ACADVL: variants seen among roughly 807,000 people sequenced by gnomAD.
ACADVL encodes acyl-CoA dehydrogenase very long chain, also known as very long-chain acyl-CoA dehydrogenase, mitochondrial.
ACADVL carries 73 observed loss-of-function variants against 80.4 expected under a neutral mutation model. The observed-to-expected ratio is 0.91, with a 90% CI of 0.75 to 1.10. The LOEUF (loss-of-function observed/expected upper bound fraction) is 1.10, where lower values mean the gene tolerates loss of function less well. Ranked by LOEUF, ACADVL falls within the 50% of genes least tolerant of loss-of-function variation. ACADVL has a pLI of 0.00. For missense variants in ACADVL, 878 were observed against 858.9 expected, an observed-to-expected ratio of 1.02 and a Z score of -0.28; for synonymous variants, 392 against 326.5, an observed-to-expected ratio of 1.20 and a Z score of -2.16.
intron 16 of ACADVL, 31 bp from the exon 17 acceptor site, chr17:7,224,447 CCT>C (rs1327896933): frequency 6.2e-7 from 1 of 1,613,850 alleles, no homozygotes; most frequent in East Asian, 2.2e-5. Context: ...GCCGATGGCC[CCT>C]CTGAGCCCCG....
rs1271862153 is a variant in ACADVL, at chr17:7,222,763, G to A, written c.975G>A (p.Glu325=). 3.1e-6 allele frequency: 5 copies of A among 1,614,122 alleles called. No homozygotes were observed. The highest frequency in any genetic ancestry group is 4.2e-6 in the Non-Finnish European group (5 of 1,180,026). ...TGCCATCGGAGAACGTGCTGGGTGA[G>A]GTTGGGAGTGGCTTCAAGGTTGCCA... ...VRVPSENVLG[E]VGSGFKVAMH... The change falls in exon 10 of 20, where the codon GAG becomes GAA. Residue 325 remains glutamate, a synonymous_variant. Coordinates refer to ENST00000356839, the MANE Select transcript of ACADVL (RefSeq NM_000018.4).
intron 7 of ACADVL, 23 bp from the exon 8 acceptor site, chr17:7,221,929 T>C: frequency 1.2e-6 from 2 of 1,613,634 alleles, no homozygotes; most frequent in Non-Finnish European, 1.7e-6. Context: ...GAACTTGGGG[T>C]AAAGTAGCTC....
In ACADVL at chr17:7,224,776, CCA is replaced by C. The variant is rs758750087; in HGVS notation, c.1752-32_1752-31del. On this transcript the variant is annotated intron_variant, in intron 18 of 19. Coordinates refer to ENST00000356839, the MANE Select transcript of ACADVL (RefSeq NM_000018.4). The stretch of plus-strand genomic sequence containing the variant: ...GGCCTGGGCCTGGATCCCAGCCGGC[CCA>C]GATTTATTTTCATCTCCTGCTTCCT... 6.8e-5 allele frequency: 109 copies of C among 1,613,730 alleles called. No homozygotes were observed. The highest frequency in any genetic ancestry group is 8.7e-5 in the Non-Finnish European group (103 of 1,179,990).
At position 7,225,039 on chromosome 17, in the gene ACADVL, T is replaced by C. The variant is rs1208147546; in HGVS notation, c.1910T>C (p.Ile637Thr). ...QQELYRNFKS[I>T]SKALVERGGV... ...GAGCTCTACCGCAACTTCAAAAGCA[T>C]CTCCAAGGCCTTGGTGGAGCGGGGT... Residue 637 changes from isoleucine (I) to threonine (T), a missense_variant, in exon 20 of 20, where the codon ATC becomes ACC. Coordinates refer to ENST00000356839, the MANE Select transcript of ACADVL (RefSeq NM_000018.4). The C allele has an allele frequency of 6.2e-7, 1 of 1,614,020 alleles. No individual in the cohort carries two copies. Among genetic ancestry groups the C allele is most frequent in the South Asian group, 1.1e-5 (1 of 91,078 alleles).
In ACADVL at chr17:7,221,108, A is replaced by C. The variant is rs150033153; in HGVS notation, c.477+50A>C. On this transcript the variant is annotated intron_variant, in intron 6 of 19. Coordinates refer to ENST00000356839, the MANE Select transcript of ACADVL (RefSeq NM_000018.4). ...CCAGTATGCCATACCCCAGCTTGGC[A>C]GACTCAGCTCTTTTGCCATAGACCT... The C allele has an allele frequency of 1.4e-4, 225 of 1,611,224 alleles. 1 individual carries two copies. Among genetic ancestry groups the C allele is most frequent in the Non-Finnish European group, 1.8e-4 (210 of 1,179,986 alleles).
upstream of ACADVL, chr17:7,219,921 T>TGCAGGACGC (rs1555527390): frequency 1.7e-5 from 26 of 1,555,298 alleles, no homozygotes; most frequent in African/African-American, 6.7e-5. Context: ...CGCCAGGACG[T>TGCAGGACGC]GGGCGTGCAG....
At chr17:7,223,473 C>T (rs1369764945) in intron 11 of ACADVL, 171 bp from the exon 12 acceptor site, 20 of 854,800 alleles carry the variant, frequency 2.3e-5, no homozygotes, top group Admixed American at 5.4e-5. Context: ...TTACATCCAC[C>T]CCTTTTAAGA....
Position 7,225,090 on chromosome 17 carries a change from G to A in ACADVL, c.1961G>A (p.Gly654Asp), listed in dbSNP as rs2071416202. The change falls in exon 20 of 20, where the codon GGC becomes GAC. Residue 654 changes from glycine (G) to aspartate (D), a missense_variant. Transcript: ENST00000356839. Reference protein sequence around the residue: ...RGGVVTSNPLGF With the variant: ...RGGVVTSNPLDF The stretch of plus-strand genomic sequence containing the variant: ...GGTGTGGTCACCAGCAACCCACTTG[G>A]CTTCTGAATACTCCCGGCCAGGGCC... 6.2e-7 allele frequency: 1 copy of A among 1,613,902 alleles called. No individual in the cohort carries two copies. The highest frequency in any genetic ancestry group is 8.5e-7 in the Non-Finnish European group (1 of 1,180,016).
At chr17:7,218,816 A>G, upstream of ACADVL, 1 of 1,613,688 alleles carries the variant, frequency 6.2e-7, no homozygotes, top group Non-Finnish European at 8.5e-7. Flanking sequence ...CTCCACAAGG[A>G]GCCCTGTTTT....
chr17:7,223,156 C>T lies in ACADVL; in HGVS notation c.1101C>T (p.Thr367=), dbSNP rs1179669157. ...AGGTAGATCATGCCACTAATCGTACCCAGTTTGGGGAGAAAATTCACAACT... is the reference window on the plus strand; with the variant it reads ...AGGTAGATCATGCCACTAATCGTACTCAGTTTGGGGAGAAAATTCACAACT... The part of the protein sequence containing the change: ...AKAVDHATNR[T]QFGEKIHNFG... The change falls in exon 11 of 20, where the codon ACC becomes ACT. Residue 367 remains threonine, a synonymous_variant. Transcript: ENST00000356839. The T allele has an allele frequency of 3.7e-6, 6 of 1,613,880 alleles. No homozygotes were observed. The highest frequency in any genetic ancestry group is 1.3e-5 in the African/African-American group (1 of 74,914).
At position 7,225,068 on chromosome 17, in the gene ACADVL, G is replaced by A. The variant is rs759864218; in HGVS notation, c.1939G>A (p.Val647Met). Residue 647 changes from valine (V) to methionine (M), a missense_variant, in exon 20 of 20, where the codon GTG (valine) becomes ATG (methionine). Transcript: ENST00000356839. ...CAAGGCCTTGGTGGAGCGGGGTGGT[G>A]TGGTCACCAGCAACCCACTTGGCTT... ...ISKALVERGG[V>M]VTSNPLGF 2.5e-6 allele frequency: 4 copies of A among 1,614,118 alleles called. No individual in the cohort carries two copies. Among genetic ancestry groups the A allele is most frequent in the Non-Finnish European group, 2.5e-6 (3 of 1,180,034 alleles).
upstream of ACADVL, chr17:7,218,093 A>C (rs1406891634): frequency 3.0e-5 from 22 of 732,302 alleles, no homozygotes; most frequent in Non-Finnish European, 4.9e-5. Flanking sequence ...CAGAGAGTGC[A>C]TTCTCGGTGC....
rs1247943355 is a variant in ACADVL, at chr17:7,224,670, AGACGG to A, written c.1709_1713del (p.Asp570GlyfsTer20). On this transcript the variant is annotated frameshift_variant, in exon 18 of 20. Transcript: ENST00000356839. LOFTEE classifies it high-confidence loss of function. ...AACAGTTTCTGCTGCAGCGGCTGGC[AGACGG>A]GGCCATCGACCTCTATGCCATGGTG... The A allele has an allele frequency of 7.6e-7, 1 of 1,321,996 alleles. No homozygotes were observed. The highest frequency in any genetic ancestry group is 9.9e-7 in the Non-Finnish European group (1 of 1,009,708). The allele number at this position is 1,321,996 out of a possible 1,614,324, so 81.9% of individuals were successfully genotyped here. A position where few individuals can be genotyped will look rare whatever the true frequency, so the allele number is the denominator to read the frequency against.
Position 7,222,219 on chromosome 17 carries a change from A to G in ACADVL, c.795A>G (p.Thr265=). 1.2e-6 allele frequency: 2 copies of G among 1,614,060 alleles called. No individual in the cohort carries two copies. The highest frequency in any genetic ancestry group is 1.7e-6 in the Non-Finnish European group (2 of 1,180,020). The part of the protein sequence containing the change: ...LADIFTVFAK[T]PVTDPATGAV... ...ACATCTTCACGGTCTTTGCCAAGAC[A>G]CCAGTTACAGATCCAGCCACAGGAG... The change falls in exon 9 of 20, where the codon ACA becomes ACG. Residue 265 remains threonine (T), a synonymous_variant. Transcript: ENST00000356839.
intron 10 of ACADVL, 74 bp downstream of exon 10, chr17:7,222,939 C>G (rs2071302712): frequency 1.3e-6 from 2 of 1,545,266 alleles, no homozygotes; most frequent in East Asian, 2.3e-5. Flanking sequence ...TGTCCCTGAT[C>G]ACTTGCAGGC....
At chr17:7,222,593 A>T in intron 9 of ACADVL, 74 bp from the exon 10 acceptor site, 2 of 1,430,696 alleles carry the variant, frequency 1.4e-6, no homozygotes, top group Admixed American at 1.9e-5. Flanking sequence ...GTGCATAAGG[A>T]GCGAAGGAGC....
upstream of ACADVL, chr17:7,218,781 C>T (rs535530829): frequency 7.3e-5 from 117 of 1,610,688 alleles, no homozygotes; most frequent in Non-Finnish European, 8.9e-5. Context: ...GAGCCCCAGC[C>T]CCCCACTTCG....
At chr17:7,224,772 C>A (rs548102782) in intron 18 of ACADVL, 37 bp from the exon 19 acceptor site, 1 of 1,613,654 alleles carries the variant, frequency 6.2e-7, no homozygotes, top group Non-Finnish European at 8.5e-7. Flanking sequence ...GGATCCCAGC[C>A]GGCCCAGATT....
Position 7,223,648 on chromosome 17 carries a change from T to C in ACADVL, c.1187T>C (p.Met396Thr). ...MVMLQYVTES[M>T]AYMVSANMDQ... is the part of the protein sequence containing the mutation. The stretch of plus-strand genomic sequence containing the variant: ...GTCCCAACTATGCAACCTCAGTCCA[T>C]GGCTTACATGGTGAGTGCTAACATG... Residue 396 changes from methionine to threonine, a missense_variant, in exon 12 of 20, where the codon ATG (methionine) becomes ACG (threonine). Transcript: ENST00000356839. The C allele has an allele frequency of 6.2e-7, 1 of 1,614,106 alleles. No homozygotes were observed. The highest frequency in any genetic ancestry group is 8.5e-7 in the Non-Finnish European group (1 of 1,180,010).
Sources: allele counts gnomAD v4.1 joint callset, GRCh38; gene constraint gnomAD v4.1.1; transcripts MANE v1.5; gene names NCBI Gene and HGNC (gene_info 2026-07-23, HGNC 2026-07-21).